Variants in ELAPOR2 observed in about 807,000 individuals in gnomAD.
The protein encoded by ELAPOR2 is endosome-lysosome associated apoptosis and autophagy regulator family member 2.
In ELAPOR2, 89 loss-of-function variants were observed where a neutral mutation model predicts 120.7. The ratio of observed to expected loss-of-function variants is 0.74; its 90% confidence interval spans 0.62 to 0.88. ELAPOR2 has a LOEUF of 0.88. Ranked by LOEUF, ELAPOR2 falls within the 40% of genes least tolerant of loss-of-function variation. The pLI is 0.00. For synonymous variants in ELAPOR2, 444 were observed against 444.9 expected (o/e 1.00, Z 0.03); for missense variants, 1,134 against 1,251.6 (o/e 0.91, Z 1.42).
chr7:86,975,768 C>G (rs1259793708), intron 1 of ELAPOR2, among the ~76,000 whole-genome samples: 1 of 152,188 alleles, frequency 6.6e-6, no homozygotes, highest in Admixed American at 6.6e-5. Context: ...AATATAAAAG[C>G]AAGACTCTGC....
At chr7:86,965,997 C>G in intron 1 of ELAPOR2, 1 of 982,318 alleles carries the variant, frequency 1.0e-6, no homozygotes, top group Non-Finnish European at 1.2e-6. Flanking sequence ...AATGACTGTC[C>G]TAATTTTAAC....
In ELAPOR2 at chr7:86,926,891, T is replaced by C. The variant is rs1194435668; in HGVS notation, c.1115A>G (p.Glu372Gly). 7 of 1,543,474 alleles carry C rather than the reference T, an allele frequency of 4.5e-6. No individual in the cohort carries two copies. Among genetic ancestry groups the C allele is most frequent in the Non-Finnish European group, 6.1e-6 (7 of 1,142,738 alleles). Residue 372 changes from glutamate to glycine, a missense_variant, in exon 9 of 22, where the codon GAG (glutamate) becomes GGG (glycine). By Grantham distance (98) the Glu-to-Gly change is moderately conservative. Transcript: ENST00000450689. ...GAGATCCTCCCGGCAGATTTTGGGC[T>C]CTATCCACTTGTACATTATCTGTGT... is the stretch of plus-strand genomic sequence containing the variant. ...GKTQIMYKWIEPKICREDLTD... is the reference protein window; with the variant it reads ...GKTQIMYKWIGPKICREDLTD...
intron 1 of ELAPOR2, among the ~76,000 whole-genome samples, chr7:87,012,550 C>T (rs1793725078): frequency 6.6e-6 from 1 of 152,112 alleles, no homozygotes; most frequent in African/African-American, 2.4e-5. Context: ...ATCATTTTTG[C>T]ATTTAGGACA....
chr7:87,052,741 C>A (rs2129018044), intron 1 of ELAPOR2, among the ~76,000 whole-genome samples: 1 of 152,230 alleles, frequency 6.6e-6, no homozygotes, highest in East Asian at 1.9e-4. Context: ...AGTTGAGAAT[C>A]AACTTCAGTA....
intron 5 of ELAPOR2, among the ~76,000 whole-genome samples, chr7:86,940,883 G>A (rs1026994363): frequency 6.6e-6 from 1 of 151,990 alleles, no homozygotes; most frequent in Non-Finnish European, 1.5e-5. Flanking sequence ...AGTGCATTAA[G>A]CACTTTCCCT....
At chr7:86,893,389 G>C (rs914098437) in intron 19 of ELAPOR2, among the ~76,000 whole-genome samples, 2 of 151,552 alleles carry the variant, frequency 1.3e-5, no homozygotes, top group Non-Finnish European at 2.9e-5. Context: ...ATGCAGTACA[G>C]TACATGCCAA....
At chr7:86,935,552 T>C (rs1790526232) in intron 8 of ELAPOR2, among the ~76,000 whole-genome samples, 1 of 152,000 alleles carries the variant, frequency 6.6e-6, no homozygotes, top group Non-Finnish European at 1.5e-5. Context: ...CCAGTGGTTC[T>C]CTAAGTGCTG....
intron 1 of ELAPOR2, among the ~76,000 whole-genome samples, chr7:86,993,081 C>CA (rs1371747830): frequency 6.6e-6 from 1 of 151,466 alleles, no homozygotes; most frequent in Non-Finnish European, 1.5e-5. Flanking sequence ...ACTAAAAATA[C>CA]AAAAATTAGC....
chr7:86,892,822 TC>T (rs1443512199), intron 20 of ELAPOR2, 99 bp downstream of exon 20: 1 of 1,108,224 alleles, frequency 9.0e-7, no homozygotes. Context: ...TTCTTGTGTC[TC>T]TGAGAGAATC....
At chr7:86,894,948 C>T (rs960113811) in intron 19 of ELAPOR2, among the ~76,000 whole-genome samples, 4 of 151,922 alleles carry the variant, frequency 2.6e-5, no homozygotes, top group Non-Finnish European at 1.5e-5. Context: ...ACAAGTTGTG[C>T]GGCTCTTTTT....
At chr7:86,994,106 G>A (rs1373085001) in intron 1 of ELAPOR2, among the ~76,000 whole-genome samples, 2 of 152,060 alleles carry the variant, frequency 1.3e-5, no homozygotes, top group African/African-American at 4.8e-5. Flanking sequence ...ATATCTCTTT[G>A]TAATCCTCTA....
intron 1 of ELAPOR2, among the ~76,000 whole-genome samples, chr7:87,011,535 A>G (rs549381275): frequency 6.6e-6 from 1 of 152,320 alleles, no homozygotes; most frequent in East Asian, 1.9e-4. Context: ...TAATACAAAT[A>G]CTCAGTACAA....
intron 1 of ELAPOR2, among the ~76,000 whole-genome samples, chr7:87,043,351 A>C (rs1256147901): frequency 6.6e-6 from 1 of 150,848 alleles, no homozygotes; most frequent in Non-Finnish European, 1.5e-5. Context: ...ACATTGATGC[A>C]AAAATCCTCA....
intron 1 of ELAPOR2, among the ~76,000 whole-genome samples, chr7:87,004,588 C>T (rs770444764): frequency 1.3e-5 from 2 of 152,138 alleles, no homozygotes; most frequent in Non-Finnish European, 2.9e-5. Flanking sequence ...CCTGCCCTGT[C>T]ATCTGCCATT....
Position 86,945,048 on chromosome 7 carries a change from T to C in ELAPOR2, c.507-2A>G. ...TTTCCACGAGGGATCCAAGAAGAGCTGTGGAAACAAAACCAAGAAGCACTT... is the reference window on the plus strand; with the variant it reads ...TTTCCACGAGGGATCCAAGAAGAGCCGTGGAAACAAAACCAAGAAGCACTT... On this transcript the variant is annotated splice_acceptor_variant, in intron 3 of 21. Transcript: ENST00000450689. LOFTEE classifies it high-confidence loss of function. The C allele has an allele frequency of 6.5e-7, 1 of 1,547,064 alleles. No individual in the cohort carries two copies.
chr7:87,037,384 T>A (rs1232190727), intron 1 of ELAPOR2, among the ~76,000 whole-genome samples: 1 of 149,894 alleles, frequency 6.7e-6, no homozygotes, highest in Non-Finnish European at 1.5e-5. Flanking sequence ...CTTCTCTCAA[T>A]TTTTTTATCT....
chr7:86,942,151 C>T (rs759832836), intron 4 of ELAPOR2, 47 bp from the exon 5 acceptor site: 1 of 1,116,316 alleles, frequency 9.0e-7, no homozygotes, highest in Non-Finnish European at 1.3e-6. Context: ...TGAATAACAG[C>T]TTTAATTAAA....
At chr7:87,037,369 T>C (rs1205838872) in intron 1 of ELAPOR2, among the ~76,000 whole-genome samples, 1 of 148,946 alleles carries the variant, frequency 6.7e-6, no homozygotes, top group Non-Finnish European at 1.5e-5. Flanking sequence ...CACCTCCTCC[T>C]TTTCCTTCTC....
At chr7:86,957,252 G>C (rs576881698) in intron 2 of ELAPOR2, among the ~76,000 whole-genome samples, 11 of 152,120 alleles carry the variant, frequency 7.2e-5, no homozygotes, top group Non-Finnish European at 1.6e-4. Flanking sequence ...AGCCTTCTGA[G>C]GACAAAATAT....
Sources: gnomAD v4.1 joint callset for allele counts (sites outside exome capture counted in the v4.1 genomes callset) on GRCh38, gnomAD v4.1.1 for gene constraint, MANE v1.5 for transcripts, NCBI Gene and HGNC (gene_info 2026-07-23, HGNC 2026-07-21) for gene names.